FNDC3B: variants seen among roughly 807,000 people sequenced by gnomAD.
The protein encoded by FNDC3B is fibronectin type III domain-containing protein 3B.
FNDC3B carries 12 observed loss-of-function variants against 151.5 expected under a neutral mutation model. The observed-to-expected ratio is 0.08, with a 90% CI of 0.05 to 0.13. The LOEUF (loss-of-function observed/expected upper bound fraction) is 0.13, where lower values mean the gene tolerates loss of function less well. Ranked by LOEUF, FNDC3B falls within the 10% of genes least tolerant of loss-of-function variation. The pLI is 1.00. For synonymous variants in FNDC3B, 528 were observed against 549.0 expected (o/e 0.96, Z 0.54); for missense variants, 1,214 against 1,505.3 (o/e 0.81, Z 3.20).
chr3:172,325,562 A>G (rs558874215), intron 11 of FNDC3B, among the ~76,000 whole-genome samples: 14 of 152,272 alleles, frequency 9.2e-5, no homozygotes, highest in African/African-American at 1.7e-4. Context: ...TATAAATGCT[A>G]TTTGCAACCT....
At chr3:172,291,253 C>T (rs770483968) in intron 7 of FNDC3B, among the ~76,000 whole-genome samples, 1 of 152,206 alleles carries the variant, frequency 6.6e-6, no homozygotes, top group Non-Finnish European at 1.5e-5. Flanking sequence ...AAGTTGGAAT[C>T]TACATTTAAT....
intron 22 of FNDC3B, 105 bp downstream of exon 22, chr3:172,353,188 C>T (rs35419192): frequency 2.7e-6 from 3 of 1,117,792 alleles, no homozygotes; most frequent in South Asian, 1.5e-5. Context: ...CCAGCTGTTT[C>T]TAAGAGCCCA....
chr3:172,342,291 C>T (rs1431485166), intron 17 of FNDC3B, among the ~76,000 whole-genome samples: 2 of 152,164 alleles, frequency 1.3e-5, no homozygotes, highest in African/African-American at 2.4e-5. Context: ...TGGAGTAAAT[C>T]CAAATCAAAG....
Position 172,133,551 on chromosome 3 carries a change from G to A in FNDC3B, c.187+5G>A. On this transcript the variant is annotated splice_donor_5th_base_variant and intron_variant, in intron 3 of 25. Coordinates refer to ENST00000415807, the MANE Select transcript of FNDC3B (RefSeq NM_022763.4). Reference sequence around the variant, plus strand: ...GAACACTTCAGTGCATTCAAGGTAAGGACATTTTTGGTAAATATTCTAATC... The same window carrying A: ...GAACACTTCAGTGCATTCAAGGTAAAGACATTTTTGGTAAATATTCTAATC... 1 of 1,594,356 alleles carries A rather than the reference G, an allele frequency of 6.3e-7. No individual in the cohort carries two copies.
chr3:172,349,012 C>T (rs933544366), intron 21 of FNDC3B, among the ~76,000 whole-genome samples: 1 of 151,906 alleles, frequency 6.6e-6, no homozygotes, highest in African/African-American at 2.4e-5. Context: ...AAATATTGGC[C>T]GGGCATGGGG....
chr3:172,378,424 C>G lies in FNDC3B; in HGVS notation c.3163C>G (p.Pro1055Ala). The G allele has an allele frequency of 6.2e-7, 1 of 1,611,536 alleles. No individual in the cohort carries two copies. The highest frequency in any genetic ancestry group is 8.5e-7 in the Non-Finnish European group (1 of 1,178,946). ...CTTCAGCACAACCAAAAGTGTCCCC[C>G]CCACCATCAAAGGTGTGTAGACTAT... Reference protein sequence around the residue: ...YTFSTTKSVPPTIKAPRVTQL... With the variant: ...YTFSTTKSVPATIKAPRVTQL... The change falls in exon 24 of 26, where the codon CCC (proline) becomes GCC (alanine). Residue 1055 changes from proline to alanine, a missense_variant. Around this residue, in one of 7 missense-constraint regions of FNDC3B, gnomAD observed 284 missense variants for 392.4 expected, o/e 0.72. Transcript: ENST00000415807.
rs1478793170 is a variant in FNDC3B at position 172,330,735 on chromosome 3, T to C, written c.1554+20T>C. On this transcript the variant is annotated intron_variant, in intron 13 of 25. Coordinates refer to ENST00000415807, the MANE Select transcript of FNDC3B (RefSeq NM_022763.4). Reference sequence around the variant, plus strand: ...GAAAATGTGAGTTTTACAGATTTTATACTTCTCTGTGTTTTGTACGAGTCA... The same window carrying C: ...GAAAATGTGAGTTTTACAGATTTTACACTTCTCTGTGTTTTGTACGAGTCA... 6.3e-7 allele frequency: 1 copy of C among 1,592,702 alleles called. No homozygotes were observed. Among genetic ancestry groups the C allele is most frequent in the African/African-American group, 1.3e-5 (1 of 74,576 alleles).
At chr3:172,359,677 A>G (rs1049843178) in intron 22 of FNDC3B, among the ~76,000 whole-genome samples, 1 of 152,220 alleles carries the variant, frequency 6.6e-6, no homozygotes, top group Non-Finnish European at 1.5e-5. Flanking sequence ...GTTACATTCC[A>G]ATCATAGAAA....
chr3:172,309,375 C>T (rs1731350060), intron 10 of FNDC3B, among the ~76,000 whole-genome samples: 1 of 152,110 alleles, frequency 6.6e-6, no homozygotes, highest in Non-Finnish European at 1.5e-5. Flanking sequence ...TCAGTGTACC[C>T]ACCCTCAAGG....
chr3:172,194,034 C>A (rs1724697965), intron 3 of FNDC3B, among the ~76,000 whole-genome samples: 1 of 152,036 alleles, frequency 6.6e-6, no homozygotes, highest in Admixed American at 6.6e-5. Context: ...TCCTGGCTAA[C>A]ACAGTGAAAC....
At chr3:172,349,350 G>T (rs976140665) in intron 21 of FNDC3B, among the ~76,000 whole-genome samples, 3 of 152,244 alleles carry the variant, frequency 2.0e-5, no homozygotes, top group African/African-American at 4.8e-5. Context: ...TTCTTGTTTT[G>T]CTCAGGAATT....
In FNDC3B at chr3:172,093,501, G is replaced by A. The variant is rs948066009; in HGVS notation, c.-28-18951G>A. Among the ~76,000 whole-genome samples the A allele has an allele frequency of 6.6e-5, 10 of 151,408 alleles. 1 individual carries two copies. Among genetic ancestry groups the A allele is most frequent in the South Asian group, 4.2e-4 (2 of 4,794 alleles). ...TCTCGATCTCCTGACCTCGTGATCC[G>A]CCCGCCTTGGCCTCCCAAAATGCTG... On this transcript the variant is annotated intron_variant, in intron 1 of 25. Transcript: ENST00000415807.
intron 9 of FNDC3B, among the ~76,000 whole-genome samples, chr3:172,305,596 A>T (rs1328268107): frequency 6.6e-6 from 1 of 152,222 alleles, no homozygotes; most frequent in Non-Finnish European, 1.5e-5. Context: ...TTAGGAATGC[A>T]TGGTGTCTGG....
intron 6 of FNDC3B, among the ~76,000 whole-genome samples, chr3:172,269,708 A>C (rs1457086048): frequency 6.6e-6 from 1 of 152,020 alleles, no homozygotes; most frequent in African/African-American, 2.4e-5. Context: ...GCAGTGGCAC[A>C]GTCTCGACTC....
chr3:172,305,946 G>A (rs566979281), intron 9 of FNDC3B, among the ~76,000 whole-genome samples: 2 of 152,186 alleles, frequency 1.3e-5, no homozygotes, highest in African/African-American at 4.8e-5. Flanking sequence ...ATCAGGGGTT[G>A]GGTGGAGAGC....
chr3:172,171,962 A>G (rs969982303), intron 3 of FNDC3B, among the ~76,000 whole-genome samples: 26 of 152,192 alleles, frequency 1.7e-4, no homozygotes, highest in African/African-American at 6.3e-4. Flanking sequence ...CAAAATAGGT[A>G]TGCTGTGGTT....
intron 1 of FNDC3B, among the ~76,000 whole-genome samples, chr3:172,077,732 A>C (rs1449728896): frequency 1.3e-5 from 2 of 152,066 alleles, no homozygotes; most frequent in Non-Finnish European, 2.9e-5. Context: ...TTTCCCCCCC[A>C]AAAAAGAAAA....
intron 3 of FNDC3B, among the ~76,000 whole-genome samples, chr3:172,136,187 C>T (rs1455472759): frequency 6.6e-6 from 1 of 152,154 alleles, no homozygotes; most frequent in Non-Finnish European, 1.5e-5. Context: ...AGGTTAAGTT[C>T]CTGTTCCTGG....
At chr3:172,395,563 C>T (rs1475021239) in intron 25 of FNDC3B, among the ~76,000 whole-genome samples, 1 of 152,134 alleles carries the variant, frequency 6.6e-6, no homozygotes, top group Non-Finnish European at 1.5e-5. Context: ...AAACTCAAGA[C>T]AGACCACCAA....
Sources: gnomAD v4.1 joint callset for allele counts (sites outside exome capture counted in the v4.1 genomes callset) on GRCh38, gnomAD v4.1.1 for gene constraint, gnomAD v4.1.1 regional missense constraint, MANE v1.5 for transcripts, NCBI Gene and HGNC (gene_info 2026-07-23, HGNC 2026-07-21) for gene names.